The following PCLO variants were observed in gnomAD, a reference collection of about 807,000 sequenced individuals.
PCLO encodes the protein piccolo presynaptic cytomatrix protein.
A neutral mutation model predicts 427.5 loss-of-function variants in PCLO; 82 were observed. The ratio of observed to expected loss-of-function variants is 0.19; its 90% confidence interval spans 0.16 to 0.23. The LOEUF is 0.23. PCLO is among the 10% of genes least tolerant of loss of function. The probability of loss-of-function intolerance (pLI) is 1.00; values close to 1 mark genes in which losing one functional copy is unlikely to be tolerated. For synonymous variants in PCLO, 2,357 were observed against 2,155.4 expected (o/e 1.09, Z -2.59); for missense variants, 6,239 against 6,115.9 (o/e 1.02, Z -0.67).
At chr7:82,869,125 T>C (rs1390564495) in intron 10 of PCLO, among the ~76,000 whole-genome samples, 1 of 152,124 alleles carries the variant, frequency 6.6e-6, no homozygotes, top group East Asian at 1.9e-4. Flanking sequence ...GAACCAATGA[T>C]ATGTATATAA....
intron 20 of PCLO, among the ~76,000 whole-genome samples, chr7:82,810,245 C>T (rs1791541387): frequency 6.6e-6 from 1 of 151,636 alleles, no homozygotes; most frequent in African/African-American, 2.4e-5. Flanking sequence ...TATTCAACTT[C>T]TGCTTTATTC....
chr7:82,951,780 C>T (rs1344902112), intron 5 of PCLO, 76 bp downstream of exon 5: 9 of 1,508,238 alleles, frequency 6.0e-6, no homozygotes, highest in African/African-American at 5.6e-5. Flanking sequence ...AAAGAAGCCA[C>T]ATTTTCATCC....
At position 83,024,102 on chromosome 7, in the gene PCLO, C is replaced by T. The variant is rs141343590; in HGVS notation, c.3301-57615G>A. ...GAAAAGGCTCAGCTCACTCAAGGAG[C>T]CAAGATGGCCGAATAGGAACAGCTC... On this transcript the variant is annotated intron_variant, in intron 3 of 24. Coordinates refer to ENST00000333891, the MANE Select transcript of PCLO (RefSeq NM_033026.6). 2.3e-3 allele frequency among the ~76,000 whole-genome samples: 347 copies of T among 152,290 alleles called. 1 individual carries two copies. Among genetic ancestry groups the T allele is most frequent in the Non-Finnish European group, 4.1e-3 (276 of 68,020 alleles).
intron 7 of PCLO, among the ~76,000 whole-genome samples, chr7:82,909,308 GATAAA>G (rs1562850912): frequency 6.6e-6 from 1 of 151,996 alleles, no homozygotes; most frequent in Non-Finnish European, 1.5e-5. Flanking sequence ...TTTAGATAGT[GATAAA>G]ATAAATAAAT....
At chr7:82,824,725 TC>T (rs1420068391) in intron 18 of PCLO, among the ~76,000 whole-genome samples, 1 of 151,708 alleles carries the variant, frequency 6.6e-6, no homozygotes, top group African/African-American at 2.4e-5. Flanking sequence ...AAACAAAACT[TC>T]TTTTTGTTGT....
chr7:83,082,912 T>G (rs960535267), intron 3 of PCLO, among the ~76,000 whole-genome samples: 2 of 151,770 alleles, frequency 1.3e-5, no homozygotes, highest in Non-Finnish European at 3.0e-5. Context: ...AAAAAACTCT[T>G]ACGTAAAATA....
chr7:83,099,035 G>A (rs1222795924), intron 3 of PCLO, among the ~76,000 whole-genome samples: 1 of 151,846 alleles, frequency 6.6e-6, no homozygotes, highest in Non-Finnish European at 1.5e-5. Context: ...CATCTGTAGG[G>A]TTAGGCTGGC....
Position 82,915,723 on chromosome 7 carries a change from G to T in PCLO, c.12263C>A (p.Ser4088Tyr). 6.2e-7 allele frequency: 1 copy of T among 1,612,394 alleles called. No individual in the cohort carries two copies. The highest frequency in any genetic ancestry group is 1.7e-5 in the Admixed American group (1 of 59,718). ...RLLRTTETRRSQEVTDFLAPL... is the reference protein window; with the variant it reads ...RLLRTTETRRYQEVTDFLAPL... The stretch of plus-strand genomic sequence containing the variant: ...TGCTAGGAAATCTGTCACTTCTTGA[G>T]ACCGGCGTGTCTCAGTGGTTCGAAG... Residue 4088 changes from serine to tyrosine, a missense_variant, in exon 7 of 25, where the codon TCT (serine) becomes TAT (tyrosine). This residue lies in a region of PCLO where 680 missense variants were observed against 677.3 expected (regional missense o/e 1.00). Coordinates refer to ENST00000333891, the MANE Select transcript of PCLO (RefSeq NM_033026.6).
intron 3 of PCLO, among the ~76,000 whole-genome samples, chr7:83,125,412 G>C (rs1364673657): frequency 1.3e-5 from 2 of 152,224 alleles, no homozygotes; most frequent in African/African-American, 4.8e-5. Context: ...CATTGAGAAC[G>C]GGCCATGATG....
Position 83,162,872 on chromosome 7 carries a change from G to C in PCLO, c.-280C>G. 2.0e-6 allele frequency: 1 copy of C among 489,722 alleles called. No homozygotes were observed. 30.3% of individuals were successfully genotyped at this position (489,722 alleles called of 1,614,324 possible). On this transcript the variant is annotated 5_prime_UTR_variant, in exon 1 of 25. Coordinates refer to ENST00000333891, the MANE Select transcript of PCLO (RefSeq NM_033026.6). The stretch of plus-strand genomic sequence containing the variant: ...CGCCGCCTCGGCGCCCCGAGCCGGG[G>C]AGAAGCAGATCTGAGCGGTGCCAGC...
chr7:82,801,901 G>A (rs1403537019), intron 21 of PCLO, among the ~76,000 whole-genome samples: 1 of 152,002 alleles, frequency 6.6e-6, no homozygotes, highest in Non-Finnish European at 1.5e-5. Context: ...ATGACATTTA[G>A]AAATTTTGTT....
intron 3 of PCLO, among the ~76,000 whole-genome samples, chr7:83,024,856 C>G (rs1239988765): frequency 6.6e-6 from 1 of 152,104 alleles, no homozygotes; most frequent in African/African-American, 2.4e-5. Flanking sequence ...ACTGACACCT[C>G]ACACGGCAGG....
intron 8 of PCLO, 108 bp from the exon 9 acceptor site, chr7:82,902,849 A>C (rs1794082424): frequency 4.8e-6 from 3 of 625,346 alleles, no homozygotes; most frequent in African/African-American, 3.7e-5. Context: ...AATCAATGGA[A>C]CGTAGTAGGA....
intron 3 of PCLO, among the ~76,000 whole-genome samples, chr7:83,021,820 A>G (rs1788350836): frequency 6.6e-6 from 1 of 152,194 alleles, no homozygotes; most frequent in Admixed American, 6.5e-5. Context: ...AAACTTTACC[A>G]CAAGATAAGA....
intron 3 of PCLO, among the ~76,000 whole-genome samples, chr7:83,061,431 T>TA (rs1365112655): frequency 1.3e-5 from 2 of 152,204 alleles, no homozygotes; most frequent in East Asian, 3.8e-4. Context: ...CTAGGGGATT[T>TA]ATTATTACAT....
intron 10 of PCLO, among the ~76,000 whole-genome samples, chr7:82,875,606 T>C (rs1262478309): frequency 6.6e-6 from 1 of 152,012 alleles, no homozygotes; most frequent in Non-Finnish European, 1.5e-5. Context: ...AATTTGAAAA[T>C]ACTCCTGTTT....
At chr7:82,794,450 A>ATTTTTTTTTATTTT in intron 22 of PCLO, among the ~76,000 whole-genome samples, 1 of 62,078 alleles carries the variant, frequency 1.6e-5, no homozygotes, top group Admixed American at 2.2e-4. Flanking sequence ...TAGTTCATAA[A>ATTTTTTTTTATTTT]TTTTTTTTCT....
At chr7:82,793,806 G>C (rs1296833753) in intron 22 of PCLO, among the ~76,000 whole-genome samples, 1 of 151,956 alleles carries the variant, frequency 6.6e-6, no homozygotes, top group Non-Finnish European at 1.5e-5. Context: ...TCTATTCTTT[G>C]TGTCTCTGGA....
At chr7:82,832,273 G>T (rs1244621353) in intron 16 of PCLO, among the ~76,000 whole-genome samples, 7 of 151,918 alleles carry the variant, frequency 4.6e-5, no homozygotes, top group Non-Finnish European at 1.0e-4. Context: ...TTTATTTTTT[G>T]AGATGGAGTC....
Sources: gnomAD v4.1 joint callset for allele counts (sites outside exome capture counted in the v4.1 genomes callset) on GRCh38, gnomAD v4.1.1 for gene constraint, gnomAD v4.1.1 regional missense constraint, MANE v1.5 for transcripts, NCBI Gene and HGNC (gene_info 2026-07-23, HGNC 2026-07-21) for gene names.